The following CACNA1D variants were observed in gnomAD, a reference collection of about 807,000 sequenced individuals.
The protein encoded by CACNA1D is voltage-dependent L-type calcium channel subunit alpha-1D.
CACNA1D carries 55 observed loss-of-function variants against 257.1 expected under a neutral mutation model. The ratio of observed to expected loss-of-function variants is 0.21; its 90% CI spans 0.17 to 0.27. CACNA1D has a LOEUF of 0.27. Ranked by LOEUF, CACNA1D falls within the 10% of genes least tolerant of loss-of-function variation. CACNA1D has a pLI of 1.00. For synonymous variants in CACNA1D, 980 were observed against 1,014.9 expected, an observed-to-expected ratio of 0.97 and a Z score of 0.65; for missense variants, 1,876 against 2,784.0, an observed-to-expected ratio of 0.67 and a Z score of 7.34.
In CACNA1D at chr3:53,745,620, G is replaced by A. The variant is rs371031025; in HGVS notation, c.3007-4G>A. 9.4e-5 allele frequency: 151 copies of A among 1,603,838 alleles called. No individual in the cohort carries two copies. The highest frequency in any genetic ancestry group is 3.8e-4 in the East Asian group (17 of 44,828). On this transcript the variant is annotated splice_region_variant and splice_polypyrimidine_tract_variant and intron_variant, in intron 23 of 47. Coordinates refer to ENST00000350061, the MANE Select transcript of CACNA1D (RefSeq NM_001128840.3). ...AGAGTCACGCCCCTCTGCCCTCTCCGCAGCACGTGGTCCAGTGCGTCTTCG... is the reference window on the plus strand; with the variant it reads ...AGAGTCACGCCCCTCTGCCCTCTCCACAGCACGTGGTCCAGTGCGTCTTCG...
intron 3 of CACNA1D, among the ~76,000 whole-genome samples, chr3:53,564,720 A>T (rs1053577253): frequency 2.0e-5 from 3 of 152,190 alleles, no homozygotes; most frequent in Non-Finnish European, 4.4e-5. Flanking sequence ...ATTAATCCTT[A>T]TAACATTAGA....
At chr3:53,775,701 C>T (rs1166796869) in intron 34 of CACNA1D, among the ~76,000 whole-genome samples, 185 bp from the exon 35 acceptor site, 1 of 152,146 alleles carries the variant, frequency 6.6e-6, no homozygotes, top group South Asian at 2.1e-4. Context: ...TGCAGCAGGA[C>T]CTCCAGTTAC....
chr3:53,751,183 A>G lies in CACNA1D; in HGVS notation c.3517-566A>G, dbSNP rs902586958. Among the ~76,000 whole-genome samples the G allele has an allele frequency of 4.6e-5, 7 of 152,226 alleles. No homozygotes were observed. The highest frequency in any genetic ancestry group is 1.4e-4 in the African/African-American group (6 of 41,460). On this transcript the variant is annotated intron_variant, in intron 27 of 47. Coordinates refer to ENST00000350061, the MANE Select transcript of CACNA1D (RefSeq NM_001128840.3). The surrounding 1 kb of genome is among the most constrained non-coding windows in gnomAD (Gnocchi z 4.3). ...GCTCCCCATAAGATGTGTATTGTTAACACACTCTGGCTCCTGAAGGGTATC... is the reference window on the plus strand; with the variant it reads ...GCTCCCCATAAGATGTGTATTGTTAGCACACTCTGGCTCCTGAAGGGTATC...
intron 3 of CACNA1D, among the ~76,000 whole-genome samples, chr3:53,519,741 C>A (rs1237233737): frequency 6.6e-6 from 1 of 152,184 alleles, no homozygotes; most frequent in Non-Finnish European, 1.5e-5. Context: ...TCATCAAAAT[C>A]AACTTTAGAA....
At chr3:53,759,003 G>A (rs1001595154) in intron 29 of CACNA1D, among the ~76,000 whole-genome samples, 1 of 152,080 alleles carries the variant, frequency 6.6e-6, no homozygotes, top group Admixed American at 6.5e-5. Flanking sequence ...AGAATGGGAG[G>A]GCTGACATTT....
At chr3:53,631,771 A>G (rs917412763) in intron 3 of CACNA1D, among the ~76,000 whole-genome samples, 1 of 152,246 alleles carries the variant, frequency 6.6e-6, no homozygotes, top group Admixed American at 6.5e-5. Context: ...ATTAGCAGGC[A>G]TGAAAACCTT....
At chr3:53,797,279 A>G (rs966257998) in intron 40 of CACNA1D, among the ~76,000 whole-genome samples, 3 of 152,170 alleles carry the variant, frequency 2.0e-5, no homozygotes, top group African/African-American at 7.2e-5. Context: ...CTTAAGCTTC[A>G]TGTCAATTCT....
Position 53,810,758 on chromosome 3 carries a change from C to CAAAAAAAAAAAAAAAAAAAAA in CACNA1D, c.6193-347_6193-327dup, listed in dbSNP as rs71074934. ...GGGCCACAGAGCGAGACTCTTGTCT[C>CAAAAAAAAAAAAAAAAAAAAA]AAAAAAAAAAAAAAAAAAAAAAAAA... On this transcript the variant is annotated intron_variant, in intron 47 of 47. Transcript: ENST00000350061. Among the ~76,000 whole-genome samples the CAAAAAAAAAAAAAAAAAAAAA allele has an allele frequency of 1.3e-3, 87 of 68,288 alleles. 2 individuals carry two copies. Among genetic ancestry groups the CAAAAAAAAAAAAAAAAAAAAA allele is most frequent in the Non-Finnish European group, 1.7e-3 (72 of 41,546 alleles). 44.8% of individuals were successfully genotyped at this position (68,288 alleles called of 152,430 possible).
At chr3:53,646,288 T>C (rs1036525362) in intron 3 of CACNA1D, among the ~76,000 whole-genome samples, 6 of 152,198 alleles carry the variant, frequency 3.9e-5, no homozygotes, top group African/African-American at 9.7e-5. Context: ...AGGTGAGATA[T>C]TGAGATCAGC....
intron 3 of CACNA1D, among the ~76,000 whole-genome samples, chr3:53,502,204 T>C (rs1440882613): frequency 6.6e-6 from 1 of 152,086 alleles, no homozygotes; most frequent in African/African-American, 2.4e-5. Context: ...ACATAGAGCA[T>C]AATTTGGAGA....
rs997280694 is a variant in CACNA1D, at chr3:53,495,419, A to C, written c.67+186A>C. On this transcript the variant is annotated intron_variant, in intron 1 of 47. Transcript: ENST00000350061. This position sits in a 1 kb window ranked among gnomAD's most constrained non-coding sequence, Gnocchi z 5.1. The stretch of plus-strand genomic sequence containing the variant: ...CTCCGCGCTCCCCTCCAGGCCCTGA[A>C]TGTCAGAGTTAATTCTGCATTTGTG... Among the ~76,000 whole-genome samples the C allele has an allele frequency of 2.6e-5, 4 of 152,078 alleles. No individual in the cohort carries two copies. The highest frequency in any genetic ancestry group is 1.5e-5 in the Non-Finnish European group (1 of 68,014).
chr3:53,507,177 T>A (rs2090892748), intron 3 of CACNA1D, among the ~76,000 whole-genome samples: 1 of 151,448 alleles, frequency 6.6e-6, no homozygotes, highest in Non-Finnish European at 1.5e-5. Flanking sequence ...CCAAAGTTGG[T>A]TTCCTAATGA....
chr3:53,778,723 A>T (rs141191367), intron 37 of CACNA1D, among the ~76,000 whole-genome samples: 110 of 152,252 alleles, frequency 7.2e-4, no homozygotes, highest in African/African-American at 2.6e-3. Flanking sequence ...GGTGTACCTC[A>T]CCCAAACCCC....
intron 7 of CACNA1D, among the ~76,000 whole-genome samples, chr3:53,667,091 G>A (rs2094272881): frequency 6.6e-6 from 1 of 152,094 alleles, no homozygotes; most frequent in Admixed American, 6.5e-5. Flanking sequence ...AATCATCCCA[G>A]CACAAAACCT....
rs3774453 is a variant in CACNA1D at position 53,575,865 on chromosome 3, A to G, written c.483+74145A>G. 0.012 allele frequency among the ~76,000 whole-genome samples: 1,839 copies of G among 152,356 alleles called. 73 individuals carry two copies. In the East Asian group the frequency reaches 0.13, roughly 11 times the overall value. On this transcript the variant is annotated intron_variant, in intron 3 of 47. Coordinates refer to ENST00000350061, the MANE Select transcript of CACNA1D (RefSeq NM_001128840.3). ...ATTGCAGTATTTGATGATACTGGCAAAAGTCACTAAGAGAATCCTCAAAAC... is the reference window on the plus strand; with the variant it reads ...ATTGCAGTATTTGATGATACTGGCAGAAGTCACTAAGAGAATCCTCAAAAC...
At chr3:53,555,650 C>T (rs895103111) in intron 3 of CACNA1D, among the ~76,000 whole-genome samples, 1 of 151,904 alleles carries the variant, frequency 6.6e-6, no homozygotes, top group Non-Finnish European at 1.5e-5. Flanking sequence ...TTTCTCACCA[C>T]CCCCTCCTCC....
chr3:53,671,081 A>G (rs75660528), intron 7 of CACNA1D, among the ~76,000 whole-genome samples: 38 of 152,272 alleles, frequency 2.5e-4, no homozygotes, highest in African/African-American at 9.1e-4. Context: ...TCCAAGTGAT[A>G]CTTCTGATTT....
chr3:53,582,113 A>G (rs2093142351), intron 3 of CACNA1D, among the ~76,000 whole-genome samples: 1 of 151,808 alleles, frequency 6.6e-6, no homozygotes, highest in Admixed American at 6.6e-5. Flanking sequence ...GAATATACCA[A>G]CCCTGTATTG....
At chr3:53,726,281 G>C (rs966600614) in intron 14 of CACNA1D, among the ~76,000 whole-genome samples, 5 of 152,202 alleles carry the variant, frequency 3.3e-5, no homozygotes, top group Admixed American at 1.3e-4. Context: ...GTTCCAGAGA[G>C]ACACAGAAAG....
Sources: allele counts gnomAD v4.1 joint callset (sites outside exome capture counted in the v4.1 genomes callset), GRCh38; gene constraint gnomAD v4.1.1; non-coding constraint Gnocchi (gnomAD v3.1); transcripts MANE v1.5; gene names NCBI Gene and HGNC (gene_info 2026-07-23, HGNC 2026-07-21).